The following FMO2 variants were observed in gnomAD, a reference collection of about 807,000 sequenced individuals.
FMO2 encodes the protein flavin-containing monooxygenase 2.
A neutral mutation model predicts 41.6 loss-of-function variants in FMO2; 33 were observed. That is an observed-to-expected ratio of 0.79 (90% CI 0.60 to 1.06). The LOEUF is 1.06. Among genes scored for constraint, FMO2 ranks in the 50% least tolerant of loss-of-function variants. The pLI, the probability that FMO2 is intolerant of heterozygous loss-of-function variation, is 0.00. For synonymous variants in FMO2, 214 were observed against 219.6 expected, an observed-to-expected ratio of 0.97 and a Z score of 0.23; for missense variants, 619 against 632.9, an observed-to-expected ratio of 0.98 and a Z score of 0.23.
At chr1:171,190,571 A>C (rs751175513) in intron 2 of FMO2, among the ~76,000 whole-genome samples, 1 of 152,218 alleles carries the variant, frequency 6.6e-6, no homozygotes, top group Non-Finnish European at 1.5e-5. Context: ...TTTTAATACA[A>C]TATAACAATA....
In FMO2 at chr1:171,196,785, C is replaced by T. The variant is rs770379034; in HGVS notation, c.458C>T (p.Pro153Leu). The part of the protein sequence containing the change: ...VMVCSGHHIL[P>L]HIPLKSFPGM... ...GTTTGCAGTGGCCACCACATTCTAC[C>T]TCATATCCCACTGAAGTCATTTCCA... Residue 153 changes from proline to leucine, a missense_variant, in exon 4 of 9, where the codon CCT (proline) becomes CTT (leucine). Physicochemically the swap from Pro to Leu is moderately conservative, Grantham distance 98 (BLOSUM62 -3). Transcript: ENST00000209929. The T allele has an allele frequency of 1.2e-6, 2 of 1,613,494 alleles. No homozygotes were observed. Among genetic ancestry groups the T allele is most frequent in the African/African-American group, 2.7e-5 (2 of 75,032 alleles).
At chr1:171,191,530 T>C (rs1278695017) in intron 2 of FMO2, among the ~76,000 whole-genome samples, 2 of 152,188 alleles carry the variant, frequency 1.3e-5, no homozygotes, top group Non-Finnish European at 2.9e-5. Flanking sequence ...CTAAGTACTT[T>C]ATTCACTCTC....
At position 171,185,706 on chromosome 1, in the gene FMO2, A is replaced by G; in HGVS notation, c.-6-2A>G. The G allele has an allele frequency of 6.2e-7, 1 of 1,613,674 alleles. No homozygotes were observed. The highest frequency in any genetic ancestry group is 1.1e-5 in the South Asian group (1 of 91,040). The stretch of plus-strand genomic sequence containing the variant: ...AATGTTGATTGATCAACTCCTTGAC[A>G]GGAGCTGATGGCAAAGAAGGTAGCT... On this transcript the variant is annotated splice_acceptor_variant, in intron 1 of 8. Transcript: ENST00000209929. LOFTEE classifies it low-confidence loss of function (5UTR_SPLICE).
intron 2 of FMO2, 53 bp from the exon 3 acceptor site, chr1:171,193,282 C>T (rs1658159906): frequency 7.0e-7 from 1 of 1,423,852 alleles, no homozygotes; most frequent in East Asian, 2.3e-5. Context: ...GAGTAAAAAA[C>T]AAAAAATTTT....
Position 171,203,918 on chromosome 1 carries a change from T to C in FMO2, c.681T>C (p.Asp227=), listed in dbSNP as rs1468188549. Residue 227 remains aspartate, a synonymous_variant, in exon 6 of 9, where the codon GAT becomes GAC. Coordinates refer to ENST00000209929, the MANE Select transcript of FMO2 (RefSeq NM_001460.5). ...GTWVMSRISE[D]GYPWDSVFHT... Reference sequence around the variant, plus strand: ...GGGTCATGAGCCGTATCTCTGAAGATGGCTATCCTTGGGACTCAGTGTTCC... The same window carrying C: ...GGGTCATGAGCCGTATCTCTGAAGACGGCTATCCTTGGGACTCAGTGTTCC... 1 of 1,613,736 alleles carries C rather than the reference T, an allele frequency of 6.2e-7. No individual in the cohort carries two copies. Among genetic ancestry groups the C allele is most frequent in the African/African-American group, 1.3e-5 (1 of 75,026 alleles).
At chr1:171,201,070 T>C (rs10798263) in intron 5 of FMO2, among the ~76,000 whole-genome samples, 60,487 of 152,054 alleles carry the variant, frequency 0.4, 12,835 homozygotes, top group East Asian at 0.55. Flanking sequence ...ACTTATGGTG[T>C]GAGATTCAAT....
rs769311108 is a variant in FMO2, at chr1:171,199,401, TG to T, written c.542del (p.Gly181AspfsTer9). ...ATAGCCGCCAATACAAGCATCCAGA[TG>T]GATTTGAGGGAAAACGCATCCTGGT... ...FHSRQYKHPDGFEGKRILVIG... is the reference protein window; with the variant it reads ...FHSRQYKHPDXFEGKRILVIG... On this transcript the variant is annotated frameshift_variant, in exon 5 of 9. Coordinates refer to ENST00000209929, the MANE Select transcript of FMO2 (RefSeq NM_001460.5). LOFTEE classifies it high-confidence loss of function. The T allele has an allele frequency of 6.2e-7, 1 of 1,612,260 alleles. No individual in the cohort carries two copies. Among genetic ancestry groups the T allele is most frequent in the Middle Eastern group, 1.7e-4 (1 of 6,054 alleles).
At chr1:171,205,042 T>TA (rs1658697539) in intron 6 of FMO2, among the ~76,000 whole-genome samples, 1 of 152,206 alleles carries the variant, frequency 6.6e-6, no homozygotes, top group Admixed American at 6.5e-5. Context: ...CTTCCTTCCT[T>TA]AAAATCTCTT....
chr1:171,186,929 A>C (rs1383751099), intron 2 of FMO2, among the ~76,000 whole-genome samples: 1 of 152,236 alleles, frequency 6.6e-6, no homozygotes, highest in East Asian at 1.9e-4. Flanking sequence ...ATTATCTCAT[A>C]GTGCTATTTT....
rs765682208 is a variant in FMO2 at position 171,196,791 on chromosome 1, T to C, written c.464T>C (p.Ile155Thr). The stretch of plus-strand genomic sequence containing the variant: ...AGTGGCCACCACATTCTACCTCATA[T>C]CCCACTGAAGTCATTTCCAGGTGAG... ...VCSGHHILPHIPLKSFPGMER... is the reference protein window; with the variant it reads ...VCSGHHILPHTPLKSFPGMER... The change falls in exon 4 of 9, where the codon ATC (isoleucine) becomes ACC (threonine). Residue 155 changes from isoleucine to threonine, a missense_variant. Physicochemically the swap from Ile to Thr is moderately conservative, Grantham distance 89. Transcript: ENST00000209929. 7.4e-6 allele frequency: 12 copies of C among 1,613,380 alleles called. No homozygotes were observed. The highest frequency in any genetic ancestry group is 1.0e-5 in the Non-Finnish European group (12 of 1,179,790).
chr1:171,207,249 C>T (rs763844077), intron 7 of FMO2, among the ~76,000 whole-genome samples: 1 of 152,202 alleles, frequency 6.6e-6, no homozygotes, highest in African/African-American at 2.4e-5. Flanking sequence ...ACTCTCATCT[C>T]TCACCAGGTT....
intron 2 of FMO2, among the ~76,000 whole-genome samples, chr1:171,188,691 TA>T (rs1458761929): frequency 6.6e-6 from 1 of 152,206 alleles, no homozygotes; most frequent in Non-Finnish European, 1.5e-5. Flanking sequence ...AGCAATTTTT[TA>T]AATGGGTTAT....
At chr1:171,200,695 G>A (rs1658501889) in intron 5 of FMO2, among the ~76,000 whole-genome samples, 1 of 152,114 alleles carries the variant, frequency 6.6e-6, no homozygotes, top group Non-Finnish European at 1.5e-5. Context: ...ACTAACACCG[G>A]AAAGAGACTT....
chr1:171,186,852 G>A (rs1411660789), intron 2 of FMO2, among the ~76,000 whole-genome samples: 1 of 152,156 alleles, frequency 6.6e-6, no homozygotes, highest in African/African-American at 2.4e-5. Flanking sequence ...GAGATCTTGA[G>A]CAAGTTATTT....
Position 171,209,414 on chromosome 1 carries a change from A to C in FMO2, c.*269A>C. 1 of 302,048 alleles carries C rather than the reference A, an allele frequency of 3.3e-6. No individual in the cohort carries two copies. 18.7% of individuals were successfully genotyped at this position (302,048 alleles called of 1,614,324 possible). On this transcript the variant is annotated 3_prime_UTR_variant, in exon 9 of 9. Coordinates refer to ENST00000209929, the MANE Select transcript of FMO2 (RefSeq NM_001460.5). ...TAAAATAAGACTGGCTCAGGTAAGT[A>C]GTGCTGCCAACCCTGATATAGGGGA...
intron 3 of FMO2, 91 bp from the exon 4 acceptor site, chr1:171,196,558 C>T: frequency 8.6e-7 from 1 of 1,163,360 alleles, no homozygotes. Context: ...CTGAGTCAGG[C>T]CTCTTGCATG....
chr1:171,195,374 T>C lies in FMO2; in HGVS notation c.322-1275T>C, dbSNP rs79807981. Among the ~76,000 whole-genome samples the C allele has an allele frequency of 4.4e-3, 665 of 152,312 alleles. 6 individuals are homozygous for C. The highest frequency in any genetic ancestry group is 0.015 in the African/African-American group (642 of 41,572). ...AGGTTCTAATTTAATAGGTATGGGG[T>C]AAGTTCTGAAATTCTGCATTTCTGA... On this transcript the variant is annotated intron_variant, in intron 3 of 8. Coordinates refer to ENST00000209929, the MANE Select transcript of FMO2 (RefSeq NM_001460.5).
intron 2 of FMO2, among the ~76,000 whole-genome samples, chr1:171,189,749 C>G (rs1658005918): frequency 6.6e-6 from 1 of 150,592 alleles, no homozygotes; most frequent in Admixed American, 6.7e-5. Flanking sequence ...ACCTCCATCC[C>G]CCGGGTTCAA....
At position 171,208,991 on chromosome 1, in the gene FMO2, G is replaced by C; in HGVS notation, c.1454G>C (p.Arg485Thr). Residue 485 changes from arginine (R) to threonine (T), a missense_variant, in exon 9 of 9, where the codon AGA becomes ACA. Arg to Thr is a moderately conservative substitution (Grantham distance 71). Transcript: ENST00000209929. ...GGGCCTGGGCAATGGGAAGGAGCCAGAAATGCCATCTTCACCCAGAAACAA... is the reference window on the plus strand; with the variant it reads ...GGGCCTGGGCAATGGGAAGGAGCCACAAATGCCATCTTCACCCAGAAACAA... ...LVGPGQWEGA[R>T]NAIFTQKQRI... 6.3e-7 allele frequency: 1 copy of C among 1,585,290 alleles called. No homozygotes were observed. The highest frequency in any genetic ancestry group is 1.1e-5 in the South Asian group (1 of 88,204).
Sources: gnomAD v4.1 joint callset for allele counts (sites outside exome capture counted in the v4.1 genomes callset) on GRCh38, gnomAD v4.1.1 for gene constraint, MANE v1.5 for transcripts, NCBI Gene and HGNC (gene_info 2026-07-23, HGNC 2026-07-21) for gene names.